The following ERMP1 variants were observed in gnomAD, a reference collection of about 807,000 sequenced individuals.
The protein encoded by ERMP1 is Felix-ina.
A neutral mutation model predicts 92.0 loss-of-function variants in ERMP1; 86 were observed. The observed-to-expected ratio is 0.93, with a 90% CI of 0.79 to 1.12. The LOEUF is 1.12. Ranked by LOEUF, ERMP1 falls within the 50% of genes most tolerant of loss-of-function variation. The probability of loss-of-function intolerance (pLI) is 0.00; values close to 1 mark genes in which losing one functional copy is unlikely to be tolerated. For synonymous variants in ERMP1, 530 were observed against 412.8 expected (o/e 1.28, Z -3.44); for missense variants, 1,342 against 1,116.3 (o/e 1.20, Z -2.88).
intron 5 of ERMP1, among the ~76,000 whole-genome samples, chr9:5,865,440 G>A (rs551176349): frequency 7.2e-5 from 11 of 151,886 alleles, no homozygotes; most frequent in African/African-American, 1.4e-4. Flanking sequence ...CCCGGGAGGC[G>A]GAGCTTGCAG....
intron 3 of ERMP1, 56 bp downstream of exon 3, chr9:5,825,036 A>G: frequency 6.5e-7 from 1 of 1,528,982 alleles, no homozygotes; most frequent in Non-Finnish European, 9.0e-7. Context: ...ATATTTAGCT[A>G]TTATTATTAA....
At chr9:5,804,964 G>C (rs1828814724) in intron 10 of ERMP1, 63 bp downstream of exon 10, 1 of 1,285,234 alleles carries the variant, frequency 7.8e-7, no homozygotes, top group Non-Finnish European at 1.1e-6. Flanking sequence ...ACAGAATCTA[G>C]TATGGCTAAA....
At chr9:5,855,172 A>G (rs545276008) in intron 6 of ERMP1, among the ~76,000 whole-genome samples, 2 of 152,362 alleles carry the variant, frequency 1.3e-5, no homozygotes, top group Non-Finnish European at 2.9e-5. Flanking sequence ...ACAGATGTCA[A>G]AAATATATAG....
intron 1 of ERMP1, 73 bp downstream of exon 1, chr9:5,832,617 G>A (rs985352159): frequency 2.1e-5 from 25 of 1,208,756 alleles, no homozygotes; most frequent in Non-Finnish European, 2.6e-5. Context: ...GTGCACACAG[G>A]TGCGGTGCCC....
upstream of ERMP1, among the ~76,000 whole-genome samples, chr9:5,833,587 T>C (rs1830039005): frequency 1.3e-5 from 2 of 152,212 alleles, no homozygotes. Context: ...ATTTAACAGA[T>C]AAAGAAAAAT....
intron 13 of ERMP1, among the ~76,000 whole-genome samples, chr9:5,790,171 T>TC (rs1440684444): frequency 1.5e-5 from 2 of 137,310 alleles, no homozygotes; most frequent in East Asian, 4.2e-4. Context: ...AACAATACCT[T>TC]TTTTTTTTTT....
intron 8 of ERMP1, among the ~76,000 whole-genome samples, chr9:5,808,605 G>A (rs1194887007): frequency 2.6e-5 from 4 of 152,120 alleles, no homozygotes; most frequent in African/African-American, 9.7e-5. Context: ...ATCTTTATCA[G>A]GATAAATTGA....
Position 5,801,178 on chromosome 9 carries a change from G to A in ERMP1, c.2065C>T (p.Gln689Ter), listed in dbSNP as rs746689747. The A allele has an allele frequency of 2.5e-6, 4 of 1,610,610 alleles. No individual in the cohort carries two copies. The South Asian group carries it at 4.4e-5, about 18-fold the overall frequency. The change falls in exon 11 of 15, where the codon CAG (glutamine) becomes TAG (stop). Residue 689 changes from glutamine (Q) to a stop codon, truncating the protein, a stop_gained and splice_region_variant. Coordinates refer to ENST00000339450, the MANE Select transcript of ERMP1 (RefSeq NM_024896.3). LOFTEE classifies it high-confidence loss of function. Reference protein sequence around the residue: ...ANPKPKRVFLQHMTRTFHDLE... With the variant: ...ANPKPKRVFL Reference sequence around the variant, plus strand: ...ATACCTCATGCAAAACTGCTCACCTGAAGAAACACTCTCTTTGGCTTCGGA... The same window carrying A: ...ATACCTCATGCAAAACTGCTCACCTAAAGAAACACTCTCTTTGGCTTCGGA...
intron 2 of ERMP1, among the ~76,000 whole-genome samples, chr9:5,826,266 G>A (rs1261594014): frequency 3.9e-5 from 6 of 152,180 alleles, no homozygotes; most frequent in Admixed American, 2.0e-4. Context: ...AAGCACTAAC[G>A]TAACTCAGGC....
intron 6 of ERMP1, among the ~76,000 whole-genome samples, chr9:5,854,022 G>A (rs979718716): frequency 6.6e-6 from 1 of 151,996 alleles, no homozygotes; most frequent in African/African-American, 2.4e-5. Flanking sequence ...AAGAGCCAAA[G>A]AAGCAGTTAG....
intron 6 of ERMP1, among the ~76,000 whole-genome samples, chr9:5,839,952 A>T (rs1563778307): frequency 6.6e-6 from 1 of 152,192 alleles, no homozygotes; most frequent in Non-Finnish European, 1.5e-5. Flanking sequence ...CCATAAGCAG[A>T]AAGTCTAGGC....
chr9:5,815,662 C>G (rs1050768054), intron 4 of ERMP1, among the ~76,000 whole-genome samples: 1 of 152,020 alleles, frequency 6.6e-6, no homozygotes, highest in Non-Finnish European at 1.5e-5. Flanking sequence ...AAACTAGGAT[C>G]AAAGTTTTAT....
chr9:5,831,115 C>G (rs1038116274), intron 1 of ERMP1, 87 bp from the exon 2 acceptor site: 1 of 1,014,254 alleles, frequency 9.9e-7, no homozygotes, highest in African/African-American at 1.6e-5. Flanking sequence ...CCCCTTCCTC[C>G]CCAAAAAAGC....
chr9:5,824,671 G>A (rs541803055), intron 3 of ERMP1, among the ~76,000 whole-genome samples: 2 of 151,654 alleles, frequency 1.3e-5, no homozygotes, highest in African/African-American at 2.4e-5. Flanking sequence ...AAAGTGCTGG[G>A]ATTATAGGCA....
chr9:5,825,054 C>A, intron 3 of ERMP1, 38 bp downstream of exon 3: 1 of 1,598,714 alleles, frequency 6.3e-7, no homozygotes, highest in East Asian at 2.2e-5. Context: ...TAATCTCATC[C>A]TTATTCAAGC....
At chr9:5,819,448 A>G (rs1202440279) in intron 4 of ERMP1, among the ~76,000 whole-genome samples, 4 of 152,236 alleles carry the variant, frequency 2.6e-5, no homozygotes, top group Non-Finnish European at 5.9e-5. Flanking sequence ...TTGCAACCTC[A>G]TATCAAACAA....
chr9:5,816,039 A>G (rs1002750105), intron 4 of ERMP1, among the ~76,000 whole-genome samples: 2 of 152,204 alleles, frequency 1.3e-5, no homozygotes, highest in Non-Finnish European at 2.9e-5. Context: ...AAAACTTAGG[A>G]TAATAGTTCC....
intron 4 of ERMP1, among the ~76,000 whole-genome samples, chr9:5,816,891 G>A (rs1244350295): frequency 6.6e-6 from 1 of 150,632 alleles, no homozygotes; most frequent in Non-Finnish European, 1.5e-5. Flanking sequence ...TAACTACAGA[G>A]CCTATGCTTT....
chr9:5,819,785 T>C (rs1829460784), intron 4 of ERMP1, among the ~76,000 whole-genome samples: 1 of 152,216 alleles, frequency 6.6e-6, no homozygotes, highest in South Asian at 2.1e-4. Flanking sequence ...AATCACGTGT[T>C]GTATGATTAC....
Sources: gnomAD v4.1 joint callset for allele counts (sites outside exome capture counted in the v4.1 genomes callset) on GRCh38, gnomAD v4.1.1 for gene constraint, MANE v1.5 for transcripts, NCBI Gene and HGNC (gene_info 2026-07-23, HGNC 2026-07-21) for gene names.